Variants in EYA4 observed in about 807,000 individuals in gnomAD.
EYA4 encodes protein phosphatase EYA4.
A neutral mutation model predicts 87.9 loss-of-function variants in EYA4; 31 were observed. The observed-to-expected ratio is 0.35, with a 90% CI of 0.27 to 0.48. EYA4 has a LOEUF of 0.48. EYA4 is among the 20% of genes least tolerant of loss of function. The pLI, the probability that EYA4 is intolerant of heterozygous loss-of-function variation, is 0.99. For synonymous variants in EYA4, 263 were observed against 270.6 expected (o/e 0.97, Z 0.28); for missense variants, 678 against 761.4 (o/e 0.89, Z 1.29).
chr6:133,514,470 A>T (rs947623901), intron 16 of EYA4, among the ~76,000 whole-genome samples: 2 of 152,242 alleles, frequency 1.3e-5, no homozygotes, highest in Non-Finnish European at 1.5e-5. Flanking sequence ...AACAACCACG[A>T]GTCTACTTTC....
At chr6:133,433,028 T>G (rs965960269) in intron 3 of EYA4, among the ~76,000 whole-genome samples, 1 of 152,216 alleles carries the variant, frequency 6.6e-6, no homozygotes, top group Non-Finnish European at 1.5e-5. Context: ...TAATCCATAT[T>G]GTTATCTAAT....
At chr6:133,464,616 G>A (rs1387782688) in intron 9 of EYA4, among the ~76,000 whole-genome samples, 163 bp from the exon 10 acceptor site, 1 of 152,096 alleles carries the variant, frequency 6.6e-6, no homozygotes, top group African/African-American at 2.4e-5. Context: ...TGTTACAAGA[G>A]GGAGAGAGCT....
intron 1 of EYA4, among the ~76,000 whole-genome samples, chr6:133,250,340 G>GT (rs1774787000): frequency 6.6e-6 from 1 of 152,060 alleles, no homozygotes; most frequent in South Asian, 2.1e-4. Context: ...AGCACAGTGA[G>GT]TAAGTAGAAA....
rs759022263 is a variant in EYA4, at chr6:133,528,837, T to C, written c.*32T>C. ...TCTTTAGCCGGAGATCCATTTTTTA[T>C]ATTTCAAGTACACTGAATTTTTATG... On this transcript the variant is annotated 3_prime_UTR_variant, in exon 20 of 20. Transcript: ENST00000355286. 1.9e-6 allele frequency: 3 copies of C among 1,612,444 alleles called. No individual in the cohort carries two copies. The East Asian group carries it at 6.7e-5, about 36-fold the overall frequency.
In EYA4 at chr6:133,532,087, A is replaced by G. The variant is rs1198330823; in HGVS notation, c.*3282A>G. On this transcript the variant is annotated 3_prime_UTR_variant, in exon 20 of 20. Transcript: ENST00000355286. ...ATATGTATATCTTTACTATTTCTCA[A>G]TAAATACCTTTGCAATTGTTTTCAT... The G allele has an allele frequency of 6.6e-6, 1 of 152,230 alleles. No homozygotes were observed. 9.4% of individuals were successfully genotyped at this position (152,230 alleles called of 1,614,324 possible).
chr6:133,326,261 AG>A (rs1781490735), intron 2 of EYA4, among the ~76,000 whole-genome samples: 3 of 152,180 alleles, frequency 2.0e-5, no homozygotes, highest in African/African-American at 7.2e-5. Context: ...GACTGGTGCC[AG>A]GTAGGTCTGG....
chr6:133,475,542 C>G (rs1488907619), intron 11 of EYA4, among the ~76,000 whole-genome samples: 1 of 152,040 alleles, frequency 6.6e-6, no homozygotes, highest in Non-Finnish European at 1.5e-5. Context: ...ACACAGCAGC[C>G]TTTTGATAAC....
At chr6:133,457,689 G>A (rs963776068) in intron 6 of EYA4, among the ~76,000 whole-genome samples, 8 of 152,164 alleles carry the variant, frequency 5.3e-5, no homozygotes, top group South Asian at 2.1e-4. Flanking sequence ...AGACTCATAT[G>A]TACTAATCCA....
intron 3 of EYA4, among the ~76,000 whole-genome samples, chr6:133,405,247 C>T (rs1788606390): frequency 6.6e-6 from 1 of 152,056 alleles, no homozygotes; most frequent in Non-Finnish European, 1.5e-5. Context: ...TCTCCTGGCA[C>T]ATGGAAGTGG....
chr6:133,359,077 G>A (rs1459390566), intron 2 of EYA4, among the ~76,000 whole-genome samples: 1 of 152,166 alleles, frequency 6.6e-6, no homozygotes, highest in Non-Finnish European at 1.5e-5. Context: ...AGTGTGACTA[G>A]AACACAGGAA....
chr6:133,286,945 A>G (rs1778112689), intron 2 of EYA4, among the ~76,000 whole-genome samples: 1 of 152,060 alleles, frequency 6.6e-6, no homozygotes, highest in Admixed American at 6.6e-5. Context: ...ATTTAGCAGC[A>G]TCTCTGGTAT....
chr6:133,409,773 G>A (rs1407732108), intron 3 of EYA4, among the ~76,000 whole-genome samples: 1 of 152,084 alleles, frequency 6.6e-6, no homozygotes, highest in Non-Finnish European at 1.5e-5. Flanking sequence ...GCACTGGTGT[G>A]AAGATTATAG....
chr6:133,303,938 G>A (rs902040294), intron 2 of EYA4, among the ~76,000 whole-genome samples: 3 of 152,164 alleles, frequency 2.0e-5, no homozygotes, highest in African/African-American at 7.2e-5. Flanking sequence ...GAGGTGGAGT[G>A]GTGGGTACAG....
chr6:133,397,220 G>A (rs1787881148), intron 3 of EYA4, among the ~76,000 whole-genome samples: 1 of 152,188 alleles, frequency 6.6e-6, no homozygotes, highest in South Asian at 2.1e-4. Flanking sequence ...CCTTAGAAAA[G>A]CAACTCACAG....
chr6:133,322,147 G>GA, intron 2 of EYA4, among the ~76,000 whole-genome samples: 1 of 152,240 alleles, frequency 6.6e-6, no homozygotes, highest in South Asian at 2.1e-4. Flanking sequence ...TAACTGCTGA[G>GA]AAAAAATTTA....
At chr6:133,402,857 A>G (rs1004490474) in intron 3 of EYA4, among the ~76,000 whole-genome samples, 1 of 152,206 alleles carries the variant, frequency 6.6e-6, no homozygotes, top group Non-Finnish European at 1.5e-5. Context: ...GGACAAGACC[A>G]GTAAGAATTA....
At chr6:133,341,335 T>C (rs1351258369) in intron 2 of EYA4, among the ~76,000 whole-genome samples, 1 of 152,196 alleles carries the variant, frequency 6.6e-6, no homozygotes, top group African/African-American at 2.4e-5. Context: ...CATTCACCTG[T>C]CCATCAAATC....
At chr6:133,267,080 A>G (rs775397320) in intron 1 of EYA4, among the ~76,000 whole-genome samples, 3 of 152,208 alleles carry the variant, frequency 2.0e-5, no homozygotes, top group Non-Finnish European at 4.4e-5. Flanking sequence ...AGAGTCTACC[A>G]TGAAAATTCA....
intron 2 of EYA4, among the ~76,000 whole-genome samples, chr6:133,277,852 TC>T (rs960132930): frequency 6.6e-6 from 1 of 152,234 alleles, no homozygotes; most frequent in Admixed American, 6.5e-5. Flanking sequence ...CAAAGCTTTG[TC>T]CACTCTTAAT....
Sources: gnomAD v4.1 joint callset for allele counts (sites outside exome capture counted in the v4.1 genomes callset) on GRCh38, gnomAD v4.1.1 for gene constraint, MANE v1.5 for transcripts, NCBI Gene and HGNC (gene_info 2026-07-23, HGNC 2026-07-21) for gene names.